The following FRAS1 variants were observed in gnomAD, a reference collection of about 807,000 sequenced individuals.
FRAS1 encodes extracellular matrix organizing protein FRAS1.
A neutral mutation model predicts 435.2 loss-of-function variants in FRAS1; 290 were observed. That is an observed-to-expected ratio of 0.67 (90% CI 0.61 to 0.73). FRAS1 has a LOEUF of 0.73. Among genes scored for constraint, FRAS1 ranks in the 30% least tolerant of loss-of-function variants. The pLI, the probability that FRAS1 is intolerant of heterozygous loss-of-function variation, is 0.00. For missense variants in FRAS1, 4,860 were observed against 5,001.5 expected, an observed-to-expected ratio of 0.97 and a Z score of 0.85; for synonymous variants, 1,800 against 1,851.0, an observed-to-expected ratio of 0.97 and a Z score of 0.71.
At chr4:78,372,524 T>G (rs767028884) in intron 23 of FRAS1, among the ~76,000 whole-genome samples, 194 bp from the exon 24 acceptor site, 1 of 152,154 alleles carries the variant, frequency 6.6e-6, no homozygotes, top group African/African-American at 2.4e-5. Flanking sequence ...TCTAACATAA[T>G]TAGGGAACAC....
At chr4:78,172,905 G>A (rs1228198168) in intron 2 of FRAS1, among the ~76,000 whole-genome samples, 1 of 151,776 alleles carries the variant, frequency 6.6e-6, no homozygotes, top group Non-Finnish European at 1.5e-5. Context: ...TTATTATTTT[G>A]GATTGAATTT....
chr4:78,362,397 T>C (rs528131), intron 20 of FRAS1, among the ~76,000 whole-genome samples: 94,649 of 152,038 alleles, frequency 0.62, 30,072 homozygotes, highest in Non-Finnish European at 0.67. Context: ...GGCACCTCAT[T>C]TACTCAGCCT....
chr4:78,474,619 C>T (rs1719805448), intron 53 of FRAS1, among the ~76,000 whole-genome samples: 1 of 152,240 alleles, frequency 6.6e-6, no homozygotes, highest in South Asian at 2.1e-4. Context: ...TTCTGGACAA[C>T]CCTCTAACAT....
At chr4:78,419,740 G>A (rs779377332) in intron 33 of FRAS1, among the ~76,000 whole-genome samples, 4 of 152,180 alleles carry the variant, frequency 2.6e-5, no homozygotes, top group Non-Finnish European at 4.4e-5. Flanking sequence ...GGTTTCACAG[G>A]CTGTACAGGA....
intron 41 of FRAS1, 29 bp downstream of exon 41, chr4:78,441,326 C>T (rs1364867495): frequency 6.3e-7 from 1 of 1,596,418 alleles, no homozygotes; most frequent in East Asian, 2.2e-5. Context: ...CTGTTAAGGA[C>T]CTTGAGAGAA....
intron 14 of FRAS1, among the ~76,000 whole-genome samples, chr4:78,303,072 A>G (rs1035756252): frequency 6.6e-6 from 1 of 152,152 alleles, no homozygotes. Context: ...AGCTTTCTAC[A>G]TATGGCTAGC....
At chr4:78,281,458 C>G in intron 11 of FRAS1, 25 bp downstream of exon 11, 1 of 1,468,590 alleles carries the variant, frequency 6.8e-7, no homozygotes, top group Non-Finnish European at 9.3e-7. Context: ...TTAACTTGCA[C>G]GTAGATCATT....
intron 2 of FRAS1, among the ~76,000 whole-genome samples, chr4:78,187,728 C>T (rs757792307): frequency 1.3e-5 from 2 of 152,096 alleles, no homozygotes; most frequent in African/African-American, 4.8e-5. Flanking sequence ...CTCAGCCTCC[C>T]TAGTAACTGG....
chr4:78,357,642 C>G (rs1730909845), intron 20 of FRAS1, among the ~76,000 whole-genome samples: 1 of 152,058 alleles, frequency 6.6e-6, no homozygotes, highest in Admixed American at 6.6e-5. Context: ...TGGCTTATAC[C>G]TGTAATCCCA....
chr4:78,488,983 G>T lies in FRAS1; in HGVS notation c.8861G>T (p.Arg2954Met), dbSNP rs1216582101. 1 of 1,613,724 alleles carries T rather than the reference G, an allele frequency of 6.2e-7. No individual in the cohort carries two copies. The change falls in exon 59 of 74, where the codon AGG becomes ATG. Residue 2954 changes from arginine (R) to methionine (M), a missense_variant. Physicochemically the swap from Arg to Met is moderately conservative, Grantham distance 91 (BLOSUM62 -1). Transcript: ENST00000512123. ...GACCTGAGCTATGAGTCATCAGTGAGGTGCTATACTCAGAGCCATTCCGCT... is the reference window on the plus strand; with the variant it reads ...GACCTGAGCTATGAGTCATCAGTGATGTGCTATACTCAGAGCCATTCCGCT... ...SGDLSYESSV[R>M]CYTQSHSAQV...
At position 78,428,974 on chromosome 4, in the gene FRAS1, A is replaced by T. The variant is rs1734103270; in HGVS notation, c.4712-121A>T. Reference sequence around the variant, plus strand: ...GTTAAAGTAGTGCAAAAAAGTTTCTAGCTACATATTTGTGGAAACTGCCTG... The same window carrying T: ...GTTAAAGTAGTGCAAAAAAGTTTCTTGCTACATATTTGTGGAAACTGCCTG... On this transcript the variant is annotated intron_variant, in intron 35 of 73. Coordinates refer to ENST00000512123, the MANE Select transcript of FRAS1 (RefSeq NM_025074.7). 10 of 976,976 alleles carry T rather than the reference A, an allele frequency of 1.0e-5. No homozygotes were observed. The South Asian group carries it at 1.6e-4, about 16-fold the overall frequency. The allele number at this position is 976,976 out of a possible 1,614,324, so 60.5% of individuals were successfully genotyped here.
intron 54 of FRAS1, among the ~76,000 whole-genome samples, chr4:78,476,479 T>C (rs760023771): frequency 3.3e-5 from 5 of 152,202 alleles, no homozygotes; most frequent in Non-Finnish European, 5.9e-5. Context: ...AATTTTTTTT[T>C]CAAAGCAACT....
intron 64 of FRAS1, among the ~76,000 whole-genome samples, chr4:78,511,718 G>A (rs578210323): frequency 3.9e-5 from 6 of 152,218 alleles, no homozygotes; most frequent in Admixed American, 3.9e-4. Context: ...ATTTTCACCG[G>A]CCATTCCAAC....
chr4:78,122,402 A>G (rs1322933580), intron 2 of FRAS1, among the ~76,000 whole-genome samples: 1 of 152,028 alleles, frequency 6.6e-6, no homozygotes, highest in Non-Finnish European at 1.5e-5. Flanking sequence ...TTGGTTCCAC[A>G]TCTTTGCTGT....
intron 3 of FRAS1, among the ~76,000 whole-genome samples, chr4:78,240,490 G>A (rs1174518948): frequency 6.6e-6 from 1 of 152,188 alleles, no homozygotes; most frequent in Non-Finnish European, 1.5e-5. Context: ...GGTTAGCTGA[G>A]TCACCAGCTG....
chr4:78,355,746 T>C (rs1730827454), intron 20 of FRAS1, among the ~76,000 whole-genome samples: 1 of 152,222 alleles, frequency 6.6e-6, no homozygotes, highest in Admixed American at 6.5e-5. Context: ...TACTGTGTCC[T>C]GTGAAATTGT....
At chr4:78,267,567 T>C in intron 9 of FRAS1, 135 bp downstream of exon 9, 1 of 758,760 alleles carries the variant, frequency 1.3e-6, no homozygotes, top group Non-Finnish European at 2.1e-6. Context: ...TAGGACCTTC[T>C]AGTGTAAAGC....
At chr4:78,438,150 T>G (rs531803141) in intron 38 of FRAS1, among the ~76,000 whole-genome samples, 10 of 152,324 alleles carry the variant, frequency 6.6e-5, no homozygotes, top group African/African-American at 1.9e-4. Context: ...GCCTGTTTCT[T>G]AAAAGCAAAA....
At chr4:78,123,775 G>C (rs1719172628) in intron 2 of FRAS1, among the ~76,000 whole-genome samples, 1 of 152,126 alleles carries the variant, frequency 6.6e-6, no homozygotes, top group Non-Finnish European at 1.5e-5. Context: ...TTGGCACTCT[G>C]TTTGTCTGTT....
Sources: gnomAD v4.1 joint callset for allele counts (sites outside exome capture counted in the v4.1 genomes callset) on GRCh38, gnomAD v4.1.1 for gene constraint, MANE v1.5 for transcripts, NCBI Gene and HGNC (gene_info 2026-07-23, HGNC 2026-07-21) for gene names.